ADGRE2: variants seen among roughly 807,000 people sequenced by gnomAD.
The protein encoded by ADGRE2 is CD97 antigen.
Under a neutral mutation model 100.8 loss-of-function variants are expected in ADGRE2, and 83 were observed. The observed-to-expected ratio is 0.82, with a 90% confidence interval of 0.69 to 0.99. The LOEUF (loss-of-function observed/expected upper bound fraction) is 0.99. Ranked by LOEUF, ADGRE2 falls within the 50% of genes least tolerant of loss-of-function variation. The pLI is 0.00. For synonymous variants in ADGRE2, 355 were observed against 413.0 expected, an observed-to-expected ratio of 0.86 and a Z score of 1.70; for missense variants, 814 against 1,035.7, an observed-to-expected ratio of 0.79 and a Z score of 2.94.
intron 11 of ADGRE2, among the ~76,000 whole-genome samples, chr19:14,764,049 T>C (rs891648485): frequency 6.7e-6 from 1 of 149,828 alleles, no homozygotes. Context: ...CTTCTTCTTC[T>C]TCCTCCTCCT....
the ADGRE2 span, among the ~76,000 whole-genome samples, chr19:14,726,325 G>A: frequency 2.6e-5 from 4 of 152,236 alleles, no homozygotes; most frequent in South Asian, 4.2e-4. Flanking sequence ...GAGGTGGCCT[G>A]GAAGATCCCC....
intron 11 of ADGRE2, among the ~76,000 whole-genome samples, chr19:14,763,104 G>A (rs971260808): frequency 1.3e-5 from 2 of 152,146 alleles, no homozygotes; most frequent in Non-Finnish European, 1.5e-5. Flanking sequence ...TTGGGAAGCC[G>A]AGGCAAGTGG....
Position 14,778,541 on chromosome 19 carries a change from C to G in ADGRE2, c.-456G>C. ...GCTTCACCGCACAGAGCAGACCCCCCGGATCTTTCTGGTCTTTCTAAGCCA... is the reference window on the plus strand; with the variant it reads ...GCTTCACCGCACAGAGCAGACCCCCGGGATCTTTCTGGTCTTTCTAAGCCA... On this transcript the variant is annotated 5_prime_UTR_variant, in exon 1 of 21. Transcript: ENST00000315576. The G allele has an allele frequency of 1.4e-6, 1 of 693,208 alleles. No individual in the cohort carries two copies. The highest frequency in any genetic ancestry group is 1.8e-6 in the Non-Finnish European group (1 of 562,518). 42.9% of individuals were successfully genotyped at this position (693,208 alleles called of 1,614,324 possible). A position where few individuals can be genotyped will look rare whatever the true frequency, so the allele number is the denominator to read the frequency against.
Position 14,743,548 on chromosome 19 carries a change from G to A in ADGRE2, c.2353-18C>T, listed in dbSNP as rs779317364. 1.2e-6 allele frequency: 2 copies of A among 1,613,888 alleles called. No individual in the cohort carries two copies. The highest frequency in any genetic ancestry group is 1.7e-6 in the Non-Finnish European group (2 of 1,179,746). ...TCCCGGACCTGCAGAGGCAAAGTGT[G>A]TACTGGGTCAGCTCACAGAGAGCAG... On this transcript the variant is annotated intron_variant, in intron 19 of 20. Coordinates refer to ENST00000315576, the MANE Select transcript of ADGRE2 (RefSeq NM_013447.4).
At chr19:14,766,055 C>T (rs118058123) in intron 7 of ADGRE2, 180 bp downstream of exon 7, 20 of 1,331,832 alleles carry the variant, frequency 1.5e-5, no homozygotes, top group Middle Eastern at 1.9e-4. Context: ...GAGCCTCCCC[C>T]CTCAGTACCC....
chr19:14,776,934 GC>G lies in ADGRE2; in HGVS notation c.-171-8del. The G allele has an allele frequency of 6.9e-7, 1 of 1,456,434 alleles. No individual in the cohort carries two copies. Among genetic ancestry groups the G allele is most frequent in the Non-Finnish European group, 9.1e-7 (1 of 1,103,414 alleles). 90.2% of individuals were successfully genotyped at this position (1,456,434 alleles called of 1,614,324 possible). ...CCCGGAACTGGCGGTGCAGCTGGAA[GC>G]CAGCAGGAAAGCACAATAAAAACAC... is the stretch of plus-strand genomic sequence containing the variant. On this transcript the variant is annotated splice_region_variant and splice_polypyrimidine_tract_variant and intron_variant, in intron 1 of 20. Transcript: ENST00000315576.
At chr19:14,761,556 AT>A (rs371575950) in intron 11 of ADGRE2, among the ~76,000 whole-genome samples, 1,893 of 146,846 alleles carry the variant, frequency 0.013, 22 homozygotes, top group Middle Eastern at 0.056. Flanking sequence ...CCCCTATATC[AT>A]TTTTTTTTTT....
At position 14,765,715 on chromosome 19, in the gene ADGRE2, G is replaced by T. The variant is rs1355697005; in HGVS notation, c.724C>A (p.Pro242Thr). The T allele has an allele frequency of 6.2e-7, 1 of 1,613,588 alleles. No homozygotes were observed. Among genetic ancestry groups the T allele is most frequent in the African/African-American group, 1.3e-5 (1 of 75,070 alleles). ...TVGSYSCRCR[P>T]GWKPRHGIPN... ...ATTCCGTGTCTGGGCTTCCAGCCTGGGCGGCAGCGGCAGCTGTATGAACCC... is the reference window on the plus strand; with the variant it reads ...ATTCCGTGTCTGGGCTTCCAGCCTGTGCGGCAGCGGCAGCTGTATGAACCC... Residue 242 changes from proline (P) to threonine (T), a missense_variant, in exon 8 of 21, where the codon CCA becomes ACA. By Grantham distance (38) the Pro-to-Thr change is conservative. Coordinates refer to ENST00000315576, the MANE Select transcript of ADGRE2 (RefSeq NM_013447.4).
chr19:14,763,450 TTC>T (rs1233229280), intron 11 of ADGRE2, among the ~76,000 whole-genome samples: 1 of 152,068 alleles, frequency 6.6e-6, no homozygotes, highest in Non-Finnish European at 1.5e-5. Context: ...AAATAAATTG[TTC>T]TCTTTTGAAG....
At position 14,754,439 on chromosome 19, in the gene ADGRE2, TTATCTATCTATCTATCTATC is replaced by T. The variant is rs58065037; in HGVS notation, c.1590+495_1590+514del. Among the ~76,000 whole-genome samples, 10 of 126,248 alleles carry T rather than the reference TTATCTATCTATCTATCTATC, an allele frequency of 7.9e-5. No individual in the cohort carries two copies. In the South Asian group the frequency reaches 9.3e-4, roughly 12 times the overall value. 82.8% of individuals were successfully genotyped at this position (126,248 alleles called of 152,430 possible). On this transcript the variant is annotated intron_variant, in intron 14 of 20. Transcript: ENST00000315576. ...TGGCTAGAATATAAGCAGGCAGAAATTATCTATCTATCTATCTATCTATCTATCTATCTATCTATCTATCT... is the reference window on the plus strand; with the variant it reads ...TGGCTAGAATATAAGCAGGCAGAAATTATCTATCTATCTATCTATCTATCT...
At chr19:14,767,390 C>T (rs1029467571) in intron 5 of ADGRE2, among the ~76,000 whole-genome samples, 1 of 152,120 alleles carries the variant, frequency 6.6e-6, no homozygotes, top group Non-Finnish European at 1.5e-5. Context: ...AGGCGCCCGC[C>T]ACCATGCCCG....
At chr19:14,739,326 T>G (rs1282894342) in intron 20 of ADGRE2, among the ~76,000 whole-genome samples, 1 of 152,214 alleles carries the variant, frequency 6.6e-6, no homozygotes, top group African/African-American at 2.4e-5. Context: ...CAGTAGAAGA[T>G]AAAATGACAT....
chr19:14,755,887 G>A lies in ADGRE2; in HGVS notation c.1193-10C>T, dbSNP rs781580170. The A allele has an allele frequency of 1.4e-5, 22 of 1,610,890 alleles. No individual in the cohort carries two copies. In the Admixed American group the frequency reaches 1.7e-4, roughly 12 times the overall value. ...CCCACCACAGAAGGGCCTGCAGGGCGAGGCCAAGGTTGAATCTTGGAGTAG... is the reference window on the plus strand; with the variant it reads ...CCCACCACAGAAGGGCCTGCAGGGCAAGGCCAAGGTTGAATCTTGGAGTAG... On this transcript the variant is annotated splice_polypyrimidine_tract_variant and intron_variant, in intron 12 of 20. Transcript: ENST00000315576.
intron 18 of ADGRE2, among the ~76,000 whole-genome samples, chr19:14,745,419 A>T: frequency 6.6e-6 from 1 of 150,982 alleles, no homozygotes. Flanking sequence ...AACACTTCAA[A>T]TTCTCCCCTC....
At chr19:14,742,926 A>AT (rs561466290) in intron 20 of ADGRE2, among the ~76,000 whole-genome samples, 42 of 145,794 alleles carry the variant, frequency 2.9e-4, no homozygotes, top group East Asian at 4.0e-4. Flanking sequence ...AGAGCCAAGG[A>AT]TTTTTTTTTT....
chr19:14,743,876 C>G (rs548663129), intron 18 of ADGRE2, 92 bp from the exon 19 acceptor site: 112 of 1,159,384 alleles, frequency 9.7e-5, no homozygotes, highest in Non-Finnish European at 1.3e-4. Flanking sequence ...CTGCCCTCCC[C>G]TGTAGATGAT....
At chr19:14,755,287 A>AC (rs1219203715) in intron 13 of ADGRE2, among the ~76,000 whole-genome samples, 160 bp from the exon 14 acceptor site, 4 of 102,380 alleles carry the variant, frequency 3.9e-5, no homozygotes, top group Non-Finnish European at 3.9e-5. Context: ...AAAAAAAAAA[A>AC]AAAAAAAATA....
rs999913438 is a variant in ADGRE2, at chr19:14,744,265, T to C, written c.2184-481A>G. Reference sequence around the variant, plus strand: ...TGTCTCAAAAAAAAAAAAAGGATTATTTTTGAATATGCAAAGAGATTTCTG... The same window carrying C: ...TGTCTCAAAAAAAAAAAAAGGATTACTTTTGAATATGCAAAGAGATTTCTG... On this transcript the variant is annotated intron_variant, in intron 18 of 20. Coordinates refer to ENST00000315576, the MANE Select transcript of ADGRE2 (RefSeq NM_013447.4). Among the ~76,000 whole-genome samples the C allele has an allele frequency of 4.6e-5, 7 of 151,726 alleles. No homozygotes were observed. The South Asian group carries it at 1.5e-3, about 32-fold the overall frequency.
At chr19:14,774,603 G>C (rs1413578517) in intron 2 of ADGRE2, among the ~76,000 whole-genome samples, 2 of 151,046 alleles carry the variant, frequency 1.3e-5, no homozygotes, top group African/African-American at 2.4e-5. Flanking sequence ...CCAATTCCTA[G>C]GCTCAAGCGA....
Sources: gnomAD v4.1 joint callset for allele counts (sites outside exome capture counted in the v4.1 genomes callset) on GRCh38, gnomAD v4.1.1 for gene constraint, MANE v1.5 for transcripts, NCBI Gene and HGNC (gene_info 2026-07-23, HGNC 2026-07-21) for gene names.